AMN1: variants seen among roughly 807,000 people sequenced by gnomAD.
AMN1 encodes antagonist of mitotic exit network 1 homolog.
In AMN1, 20 loss-of-function variants were observed where a neutral mutation model predicts 33.0. The ratio of observed to expected loss-of-function variants is 0.61; its 90% CI spans 0.43 to 0.88. The LOEUF (loss-of-function observed/expected upper bound fraction) is 0.88. Among genes scored for constraint, AMN1 ranks in the 40% least tolerant of loss-of-function variants. AMN1 has a pLI of 0.00. For synonymous variants in AMN1, 114 were observed against 111.9 expected (o/e 1.02, Z -0.12); for missense variants, 246 against 307.4 (o/e 0.80, Z 1.49).
chr12:31,698,105 G>T, intron 3 of AMN1, 148 bp from the exon 4 acceptor site: 1 of 702,358 alleles, frequency 1.4e-6, no homozygotes, highest in Non-Finnish European at 2.4e-6. Flanking sequence ...TGATTTTCCA[G>T]TGATACTGTC....
At chr12:31,693,795 G>C (rs1353952256) in intron 5 of AMN1, among the ~76,000 whole-genome samples, 1 of 152,000 alleles carries the variant, frequency 6.6e-6, no homozygotes, top group Non-Finnish European at 1.5e-5. Context: ...GCCCACCTCA[G>C]CCTCCCAAAG....
At chr12:31,728,424 TATAG>T (rs150173929) in intron 1 of AMN1, among the ~76,000 whole-genome samples, 2,295 of 152,340 alleles carry the variant, frequency 0.015, 18 homozygotes, top group Non-Finnish European at 0.023. Context: ...ACAAAAATTT[TATAG>T]ATAAAGAACC....
chr12:31,704,651 G>C (rs1393700382), intron 2 of AMN1, among the ~76,000 whole-genome samples: 1 of 152,090 alleles, frequency 6.6e-6, no homozygotes, highest in Non-Finnish European at 1.5e-5. Context: ...TTCAAAAACA[G>C]CCATCCAAAG....
intron 5 of AMN1, among the ~76,000 whole-genome samples, chr12:31,691,075 T>C (rs1592155098): frequency 6.7e-6 from 1 of 149,288 alleles, no homozygotes. Context: ...GAGATGGAGG[T>C]TGCAGTGAGC....
rs971243145 is a variant in AMN1, at chr12:31,728,849, G to A, written c.38+122C>T. The A allele has an allele frequency of 3.5e-6, 4 of 1,129,524 alleles. No individual in the cohort carries two copies. In the African/African-American group the frequency reaches 4.7e-5, roughly 13 times the overall value. 70.0% of individuals were successfully genotyped at this position (1,129,524 alleles called of 1,614,324 possible). ...AACCCAGGGACAGAAACACACGCGG[G>A]GCCTCTTCAGAGGTCGGCGGGGGGG... On this transcript the variant is annotated intron_variant, in intron 1 of 6. Transcript: ENST00000281471.
chr12:31,726,795 C>T (rs1476263406), intron 1 of AMN1, among the ~76,000 whole-genome samples: 1 of 152,146 alleles, frequency 6.6e-6, no homozygotes, highest in Non-Finnish European at 1.5e-5. Flanking sequence ...CAAATATGGA[C>T]CTTTACCTAG....
chr12:31,724,598 A>G (rs1939994894), intron 1 of AMN1, among the ~76,000 whole-genome samples: 1 of 152,236 alleles, frequency 6.6e-6, no homozygotes, highest in South Asian at 2.1e-4. Context: ...AAAACAGCAC[A>G]TAAGGAGAGA....
intron 1 of AMN1, among the ~76,000 whole-genome samples, chr12:31,724,411 C>T (rs957217530): frequency 6.6e-6 from 1 of 152,054 alleles, no homozygotes; most frequent in Non-Finnish European, 1.5e-5. Context: ...ATATGCTGAA[C>T]GAAGGCAGAA....
At chr12:31,701,748 T>C in intron 3 of AMN1, 115 bp downstream of exon 3, 1 of 863,188 alleles carries the variant, frequency 1.2e-6, no homozygotes, top group Non-Finnish European at 1.7e-6. Context: ...ATAAATATAA[T>C]TCATATTTCT....
intron 5 of AMN1, among the ~76,000 whole-genome samples, chr12:31,691,854 T>C (rs1938512962): frequency 6.6e-6 from 1 of 152,118 alleles, no homozygotes; most frequent in Non-Finnish European, 1.5e-5. Flanking sequence ...GGGCTTTAGA[T>C]GTAACATTAT....
At chr12:31,682,686 T>A (rs2139661370) in intron 6 of AMN1, among the ~76,000 whole-genome samples, 1 of 152,294 alleles carries the variant, frequency 6.6e-6, no homozygotes, top group East Asian at 1.9e-4. Context: ...TAGGCTATAC[T>A]TAAACAATTG....
intron 1 of AMN1, among the ~76,000 whole-genome samples, chr12:31,726,375 AG>A (rs1224396744): frequency 6.6e-6 from 1 of 151,824 alleles, no homozygotes; most frequent in Non-Finnish European, 1.5e-5. Context: ...TGGTCAGACT[AG>A]TCTCGAACTC....
chr12:31,697,307 T>C lies in AMN1; in HGVS notation c.591+54A>G. ...TATCCGCTAGGTTTTAAACATAATT[T>C]CTAAGAATATAAAAATTTAATCACC... On this transcript the variant is annotated intron_variant, in intron 5 of 6. Transcript: ENST00000281471. 8.0e-6 allele frequency: 12 copies of C among 1,495,230 alleles called. No homozygotes were observed. The South Asian group carries it at 1.4e-4, about 18-fold the overall frequency. The allele number at this position is 1,495,230 out of a possible 1,614,324, so 92.6% of individuals were successfully genotyped here.
chr12:31,716,986 T>G (rs1939699372), intron 1 of AMN1, among the ~76,000 whole-genome samples: 1 of 152,226 alleles, frequency 6.6e-6, no homozygotes, highest in African/African-American at 2.4e-5. Context: ...CTTTCCTTTT[T>G]GACTTACAAA....
At chr12:31,727,933 G>C (rs920195212) in intron 1 of AMN1, among the ~76,000 whole-genome samples, 2 of 152,026 alleles carry the variant, frequency 1.3e-5, no homozygotes, top group Admixed American at 6.6e-5. Context: ...CGGTTTTGCC[G>C]TGCTGGCTAG....
intron 1 of AMN1, among the ~76,000 whole-genome samples, chr12:31,712,093 C>T (rs1266241933): frequency 1.3e-5 from 2 of 151,472 alleles, no homozygotes; most frequent in African/African-American, 4.9e-5. Flanking sequence ...TCCCTCTCTC[C>T]CGAGATGGGG....
At chr12:31,691,169 A>G (rs1270094064) in intron 5 of AMN1, among the ~76,000 whole-genome samples, 2 of 151,894 alleles carry the variant, frequency 1.3e-5, no homozygotes, top group Admixed American at 1.3e-4. Flanking sequence ...AAATATTAAC[A>G]TATGCAATAA....
chr12:31,690,981 C>A (rs1280229812), intron 5 of AMN1, among the ~76,000 whole-genome samples: 1 of 151,418 alleles, frequency 6.6e-6, no homozygotes, highest in Non-Finnish European at 1.5e-5. Context: ...ACTAAAAATA[C>A]AAAAAAATTA....
chr12:31,729,038 TC>T, upstream of AMN1: 3 of 1,527,608 alleles, frequency 2.0e-6, no homozygotes, highest in South Asian at 1.2e-5. Context: ...TCTTCCGCGG[TC>T]CCAGGGCCTC....
Sources: gnomAD v4.1 joint callset for allele counts (sites outside exome capture counted in the v4.1 genomes callset) on GRCh38, gnomAD v4.1.1 for gene constraint, MANE v1.5 for transcripts, NCBI Gene and HGNC (gene_info 2026-07-23, HGNC 2026-07-21) for gene names.